Variants in TMEM135 observed in about 807,000 individuals in gnomAD.
TMEM135 encodes peroxisomal membrane protein 52.
In TMEM135, 30 loss-of-function variants were observed where a neutral mutation model predicts 60.3. The observed-to-expected ratio is 0.50, with a 90% confidence interval of 0.37 to 0.68. The LOEUF is 0.68. Among genes scored for constraint, TMEM135 ranks in the 30% least tolerant of loss-of-function variants. TMEM135 has a pLI of 0.00. For synonymous variants in TMEM135, 190 were observed against 186.7 expected, an observed-to-expected ratio of 1.02 and a Z score of -0.14; for missense variants, 468 against 548.8, an observed-to-expected ratio of 0.85 and a Z score of 1.47.
intron 5 of TMEM135, among the ~76,000 whole-genome samples, chr11:87,231,954 C>T (rs1940897808): frequency 7.0e-6 from 1 of 142,074 alleles, no homozygotes; most frequent in African/African-American, 2.6e-5. Flanking sequence ...AGAAAAGAGA[C>T]TTTTTTTTTT....
At chr11:87,173,823 G>A (rs1939302142) in intron 5 of TMEM135, among the ~76,000 whole-genome samples, 2 of 152,124 alleles carry the variant, frequency 1.3e-5, no homozygotes, top group South Asian at 4.1e-4. Context: ...ACTTCTGAGT[G>A]ATTATTTCCT....
At chr11:87,163,685 C>G (rs1190560227) in intron 5 of TMEM135, among the ~76,000 whole-genome samples, 2 of 150,636 alleles carry the variant, frequency 1.3e-5, no homozygotes, top group Non-Finnish European at 3.0e-5. Flanking sequence ...TTCTCCACAT[C>G]CTCTCCAGCA....
At chr11:87,075,285 AGTAGCTGG>A (rs1430531582) in intron 3 of TMEM135, among the ~76,000 whole-genome samples, 1 of 151,024 alleles carries the variant, frequency 6.6e-6, no homozygotes, top group Non-Finnish European at 1.5e-5. Context: ...CAGCCTGCCG[AGTAGCTGG>A]GACTATAGGT....
intron 6 of TMEM135, among the ~76,000 whole-genome samples, chr11:87,289,789 T>C: frequency 6.6e-6 from 1 of 152,086 alleles, no homozygotes; most frequent in East Asian, 1.9e-4. Flanking sequence ...CCCTACTGTT[T>C]CCAGCCTTGA....
chr11:87,095,620 GTTTTCAAC>G (rs1373944970), intron 4 of TMEM135: 1 of 205,608 alleles, frequency 4.9e-6, no homozygotes, highest in Non-Finnish European at 1.0e-5. Context: ...CTGTTTCCCA[GTTTTCAAC>G]TTTGTACTGA....
At chr11:87,137,615 A>G (rs1938137224) in intron 4 of TMEM135, among the ~76,000 whole-genome samples, 1 of 152,172 alleles carries the variant, frequency 6.6e-6, no homozygotes, top group Non-Finnish European at 1.5e-5. Context: ...TCTGATAGGA[A>G]GAGGGACACT....
At chr11:87,205,783 G>C (rs1007765023) in intron 5 of TMEM135, among the ~76,000 whole-genome samples, 2 of 152,120 alleles carry the variant, frequency 1.3e-5, no homozygotes, top group African/African-American at 4.8e-5. Context: ...TTTCGTTCTT[G>C]ATCTGTATCC....
At chr11:87,044,798 C>A (rs979598984) in intron 1 of TMEM135, among the ~76,000 whole-genome samples, 4 of 151,538 alleles carry the variant, frequency 2.6e-5, no homozygotes, top group African/African-American at 7.3e-5. Flanking sequence ...CTACAGGCCG[C>A]GCCACCACGC....
chr11:87,157,162 A>T (rs3133231), intron 4 of TMEM135, among the ~76,000 whole-genome samples, 179 bp from the exon 5 acceptor site: 2 of 151,088 alleles, frequency 1.3e-5, no homozygotes, highest in Non-Finnish European at 2.9e-5. Flanking sequence ...TCCTGGACTC[A>T]AGTGATCCTC....
chr11:87,041,432 C>T (rs994986149), intron 1 of TMEM135, among the ~76,000 whole-genome samples: 2 of 151,920 alleles, frequency 1.3e-5, no homozygotes, highest in African/African-American at 2.4e-5. Context: ...CTGGGAAGAC[C>T]GGATAGAAAA....
intron 5 of TMEM135, among the ~76,000 whole-genome samples, chr11:87,223,024 A>G (rs989015230): frequency 1.3e-5 from 2 of 152,168 alleles, no homozygotes; most frequent in South Asian, 2.1e-4. Flanking sequence ...ACACAACACA[A>G]TTGATAGGTT....
At chr11:87,287,027 C>G (rs181246393) in intron 6 of TMEM135, among the ~76,000 whole-genome samples, 119 of 152,284 alleles carry the variant, frequency 7.8e-4, no homozygotes, top group African/African-American at 2.7e-3. Context: ...TCAATGTGCA[C>G]TATTTTAAAT....
At chr11:87,044,060 G>A (rs2135105957) in intron 1 of TMEM135, among the ~76,000 whole-genome samples, 1 of 152,146 alleles carries the variant, frequency 6.6e-6, no homozygotes, top group South Asian at 2.1e-4. Context: ...TTTTTTCACT[G>A]ACCTTTAGAT....
At chr11:87,191,411 T>G (rs960886232) in intron 5 of TMEM135, among the ~76,000 whole-genome samples, 1 of 151,978 alleles carries the variant, frequency 6.6e-6, no homozygotes, top group African/African-American at 2.4e-5. Context: ...CGGCTAATAT[T>G]TTTGTATTTT....
chr11:87,091,820 C>T (rs1052949805), intron 4 of TMEM135, among the ~76,000 whole-genome samples: 1 of 152,044 alleles, frequency 6.6e-6, no homozygotes, highest in Non-Finnish European at 1.5e-5. Context: ...TTGGTACTAT[C>T]TCCAAACACT....
chr11:87,207,767 G>A (rs1041983153), intron 5 of TMEM135, among the ~76,000 whole-genome samples: 10 of 152,164 alleles, frequency 6.6e-5, no homozygotes, highest in Admixed American at 2.0e-4. Context: ...CCTCATACCT[G>A]TGGTGTCCCC....
At chr11:87,107,293 C>G (rs1161356779) in intron 4 of TMEM135, among the ~76,000 whole-genome samples, 2 of 151,816 alleles carry the variant, frequency 1.3e-5, no homozygotes, top group African/African-American at 4.8e-5. Flanking sequence ...ACTTTAAGTT[C>G]TAGGGTACAT....
rs1565438705 is a variant in TMEM135 at position 87,095,551 on chromosome 11, C to T, written c.396+4156C>T. 2.5e-5 allele frequency: 5 copies of T among 200,178 alleles called. 1 individual carries two copies. The South Asian group carries it at 3.0e-4, about 12-fold the overall frequency. 12.4% of individuals were successfully genotyped at this position (200,178 alleles called of 1,614,324 possible). A position where few individuals can be genotyped will look rare whatever the true frequency, so the allele number is the denominator to read the frequency against. On this transcript the variant is annotated intron_variant, in intron 4 of 14. Transcript: ENST00000305494. ...GGTATCTGATACATTTAAGCCTGTC[C>T]GGTTATCAAAAGATAATCTGCATGA...
intron 8 of TMEM135, 132 bp from the exon 9 acceptor site, chr11:87,305,804 T>TAAATAAATAAAGAAAGAAAGAAAGAAAG: frequency 4.8e-6 from 2 of 412,398 alleles, no homozygotes; most frequent in Non-Finnish European, 8.6e-6. Flanking sequence ...AATAAATAAA[T>TAAATAAATAAAGAAAGAAAGAAAGAAAG]AAAGTGATGT....
Sources: gnomAD v4.1 joint callset for allele counts (sites outside exome capture counted in the v4.1 genomes callset) on GRCh38, gnomAD v4.1.1 for gene constraint, MANE v1.5 for transcripts, NCBI Gene and HGNC (gene_info 2026-07-23, HGNC 2026-07-21) for gene names.